Variants in LHPP observed in about 807,000 individuals in gnomAD.
The protein encoded by LHPP is hLHPP.
Under a neutral mutation model 30.3 loss-of-function variants are expected in LHPP, and 24 were observed. The observed-to-expected ratio is 0.79, with a 90% CI of 0.57 to 1.11. The LOEUF (loss-of-function observed/expected upper bound fraction) is 1.11. LHPP is among the 50% of genes most tolerant of loss of function. LHPP has a pLI of 0.00. For synonymous variants in LHPP, 150 were observed against 157.1 expected (o/e 0.95, Z 0.34); for missense variants, 356 against 367.2 (o/e 0.97, Z 0.25).
chr10:124,518,632 C>T lies in LHPP; in HGVS notation c.716+1361C>T, dbSNP rs1260609546. ...TCGGCAGGAGGTGGAAAGGGAGAAC[C>T]GTACTGTGTTGTGTACTGGGCTTCT... is the stretch of plus-strand genomic sequence containing the variant. On this transcript the variant is annotated intron_variant, in intron 6 of 6. Coordinates refer to ENST00000368842, the MANE Select transcript of LHPP (RefSeq NM_022126.4). Among the ~76,000 whole-genome samples the T allele has an allele frequency of 1.6e-4, 24 of 152,330 alleles. 1 individual carries two copies. The East Asian group carries it at 3.9e-3, about 25-fold the overall frequency.
In LHPP at chr10:124,461,928, G is replaced by A; in HGVS notation, c.66G>A (p.Leu22=). The A allele has an allele frequency of 8.0e-7, 1 of 1,248,432 alleles. No homozygotes were observed. The highest frequency in any genetic ancestry group is 1.0e-6 in the Non-Finnish European group (1 of 992,304). The allele number at this position is 1,248,432 out of a possible 1,614,324, so 77.3% of individuals were successfully genotyped here. The change falls in exon 1 of 7, where the codon CTG becomes CTA. Residue 22 remains leucine, a synonymous_variant. Coordinates refer to ENST00000368842, the MANE Select transcript of LHPP (RefSeq NM_022126.4). The part of the protein sequence containing the change: ...RGVLLDISGV[L]YDSGAGGGTA... The stretch of plus-strand genomic sequence containing the variant: ...TGCTGCTTGACATCTCGGGCGTGCT[G>A]TACGACAGCGGCGCGGGCGGCGGCA...
intron 1 of LHPP, among the ~76,000 whole-genome samples, chr10:124,473,606 A>G (rs1386106004): frequency 2.0e-5 from 3 of 152,038 alleles, no homozygotes; most frequent in Admixed American, 6.6e-5. Context: ...CCAGTTTCCT[A>G]TGTGTAATTC....
intron 6 of LHPP, among the ~76,000 whole-genome samples, chr10:124,602,439 G>A (rs1003001149): frequency 6.6e-6 from 1 of 152,190 alleles, no homozygotes; most frequent in Non-Finnish European, 1.5e-5. Flanking sequence ...TGCATCCCGG[G>A]GCCTGCCCAC....
chr10:124,577,688 G>A (rs1460705173), intron 6 of LHPP, among the ~76,000 whole-genome samples: 3 of 152,034 alleles, frequency 2.0e-5, no homozygotes, highest in Non-Finnish European at 4.4e-5. Flanking sequence ...ATGCACACAT[G>A]TGTAAATACA....
rs184417364 is a variant in LHPP at position 124,528,526 on chromosome 10, T to G, written c.716+11255T>G. ...GATGTCTGCCACCACACCCGGCTAATTTTTGTATTTCCACTAGAGACGGGG... is the reference window on the plus strand; with the variant it reads ...GATGTCTGCCACCACACCCGGCTAAGTTTTGTATTTCCACTAGAGACGGGG... On this transcript the variant is annotated intron_variant, in intron 6 of 6. Coordinates refer to ENST00000368842, the MANE Select transcript of LHPP (RefSeq NM_022126.4). Among the ~76,000 whole-genome samples the G allele has an allele frequency of 3.3e-4, 50 of 152,262 alleles. No homozygotes were observed. The East Asian group carries it at 6.0e-3, about 18-fold the overall frequency.
Position 124,498,337 on chromosome 10 carries a change from G to C in LHPP, c.624+209G>C, listed in dbSNP as rs778353310. The C allele has an allele frequency of 1.9e-6, 3 of 1,572,856 alleles. No individual in the cohort carries two copies. The African/African-American group carries it at 4.0e-5, about 21-fold the overall frequency. ...AGTTTCAACCGTGAAGTTACTTTCA[G>C]TATGAAAGCAAGAAGCAGAAATGCC... is the stretch of plus-strand genomic sequence containing the variant. On this transcript the variant is annotated intron_variant, in intron 5 of 6. Transcript: ENST00000368842.
chr10:124,600,874 A>G (rs975621446), intron 6 of LHPP, among the ~76,000 whole-genome samples: 5 of 152,254 alleles, frequency 3.3e-5, no homozygotes, highest in Admixed American at 6.5e-5. Context: ...AGCCAAGGCC[A>G]TGAGGCCACT....
At chr10:124,498,964 C>G (rs1953822457) in intron 5 of LHPP, among the ~76,000 whole-genome samples, 1 of 151,658 alleles carries the variant, frequency 6.6e-6, no homozygotes, top group African/African-American at 2.4e-5. Flanking sequence ...TCACTGCAAC[C>G]TCCACCTCCT....
At chr10:124,564,912 G>A (rs1297987843) in intron 6 of LHPP, among the ~76,000 whole-genome samples, 1 of 152,186 alleles carries the variant, frequency 6.6e-6, no homozygotes, top group Non-Finnish European at 1.5e-5. Context: ...ACTCAGGAAT[G>A]GAAAACCAAA....
chr10:124,599,795 T>A (rs1589708602), intron 6 of LHPP, among the ~76,000 whole-genome samples: 1 of 152,204 alleles, frequency 6.6e-6, no homozygotes, highest in African/African-American at 2.4e-5. Flanking sequence ...GAACCGAGTG[T>A]CGTGCTCTGT....
intron 6 of LHPP, 105 bp from the exon 7 acceptor site, chr10:124,613,159 T>C (rs1262334222): frequency 4.7e-6 from 4 of 843,102 alleles, no homozygotes; most frequent in Non-Finnish European, 7.9e-6. Context: ...GACCTGGAGG[T>C]TTCCTCAAGC....
chr10:124,522,384 A>T (rs1265258051), intron 6 of LHPP, among the ~76,000 whole-genome samples: 1 of 152,108 alleles, frequency 6.6e-6, no homozygotes, highest in African/African-American at 2.4e-5. Flanking sequence ...CAGGCCCTGG[A>T]CAACAGTGTC....
rs554719679 is a variant in LHPP, at chr10:124,526,307, C to T, written c.716+9036C>T. 3.2e-5 allele frequency: 29 copies of T among 906,110 alleles called. 1 individual carries two copies. The highest frequency in any genetic ancestry group is 3.1e-4 in the Admixed American group (5 of 16,192). The allele number at this position is 906,110 out of a possible 1,614,324, so 56.1% of individuals were successfully genotyped here. A position where few individuals can be genotyped will look rare whatever the true frequency, so the allele number is the denominator to read the frequency against. On this transcript the variant is annotated intron_variant, in intron 6 of 6. Coordinates refer to ENST00000368842, the MANE Select transcript of LHPP (RefSeq NM_022126.4). ...GCCAGTGCTCATGCTTACACACACTCAGCCTCAGCTCGTCTACACCCTGCA... is the reference window on the plus strand; with the variant it reads ...GCCAGTGCTCATGCTTACACACACTTAGCCTCAGCTCGTCTACACCCTGCA...
Position 124,596,054 on chromosome 10 carries a change from T to G in LHPP, c.717-17210T>G, listed in dbSNP as rs1421976555. 6.6e-6 allele frequency among the ~76,000 whole-genome samples: 1 copy of G among 152,186 alleles called. No homozygotes were observed. Among genetic ancestry groups the G allele is most frequent in the Non-Finnish European group, 1.5e-5 (1 of 68,034 alleles). On this transcript the variant is annotated intron_variant, in intron 6 of 6. Transcript: ENST00000368842. This position sits in a 1 kb window ranked among gnomAD's most constrained non-coding sequence, Gnocchi z 4.6. ...GCTCCTACCCATGAACACCCACCGT[T>G]CATTTCATCCGTGTTGTTCTGTGCA...
At chr10:124,570,673 T>C (rs565786961) in intron 6 of LHPP, among the ~76,000 whole-genome samples, 4 of 152,176 alleles carry the variant, frequency 2.6e-5, no homozygotes, top group Non-Finnish European at 5.9e-5. Context: ...TTTCAATCTC[T>C]GTGGATTCGC....
At chr10:124,520,387 C>G (rs1365357551) in intron 6 of LHPP, among the ~76,000 whole-genome samples, 3 of 151,712 alleles carry the variant, frequency 2.0e-5, no homozygotes, top group Non-Finnish European at 3.0e-5. Flanking sequence ...GCCGGGCACA[C>G]AGCAAGCCCT....
intron 4 of LHPP, among the ~76,000 whole-genome samples, chr10:124,497,721 C>A (rs938509916): frequency 6.6e-6 from 1 of 152,212 alleles, no homozygotes; most frequent in Non-Finnish European, 1.5e-5. Context: ...GACGGAATTG[C>A]AGGCGAGTGA....
chr10:124,504,100 G>A (rs1323168694), intron 5 of LHPP, among the ~76,000 whole-genome samples: 1 of 152,164 alleles, frequency 6.6e-6, no homozygotes, highest in African/African-American at 2.4e-5. Flanking sequence ...GCTGAGGTGG[G>A]AGAATCACTT....
At position 124,596,490 on chromosome 10, in the gene LHPP, G is replaced by A. The variant is rs1488331070; in HGVS notation, c.717-16774G>A. Among the ~76,000 whole-genome samples the A allele has an allele frequency of 6.6e-6, 1 of 152,166 alleles. No homozygotes were observed. The highest frequency in any genetic ancestry group is 1.5e-5 in the Non-Finnish European group (1 of 68,024). ...CATTTCCTTCCTGAGGGGCCTGCAT[G>A]AATCCCTTTTAGGTGGAACACACAC... On this transcript the variant is annotated intron_variant, in intron 6 of 6. Coordinates refer to ENST00000368842, the MANE Select transcript of LHPP (RefSeq NM_022126.4). The surrounding 1 kb of genome is among the most constrained non-coding windows in gnomAD (Gnocchi z 4.6).
Sources: gnomAD v4.1 joint callset for allele counts (sites outside exome capture counted in the v4.1 genomes callset) on GRCh38, gnomAD v4.1.1 for gene constraint, Gnocchi (gnomAD v3.1) non-coding constraint, MANE v1.5 for transcripts, NCBI Gene and HGNC (gene_info 2026-07-23, HGNC 2026-07-21) for gene names.